CSMD1: variants seen among roughly 807,000 people sequenced by gnomAD.
CSMD1 encodes CUB and sushi domain-containing protein 1.
Under a neutral mutation model 417.5 loss-of-function variants are expected in CSMD1, and 213 were observed. The ratio of observed to expected loss-of-function variants is 0.51; its 90% CI spans 0.46 to 0.57. The LOEUF (loss-of-function observed/expected upper bound fraction) is 0.57. Among genes scored for constraint, CSMD1 ranks in the 20% least tolerant of loss-of-function variants. The probability of loss-of-function intolerance (pLI) is 0.00; values close to 1 mark genes in which losing one functional copy is unlikely to be tolerated. For missense variants in CSMD1, 6,923 were observed against 4,529.7 expected, an observed-to-expected ratio of 1.53 and a Z score of -15.17; for synonymous variants, 2,862 against 1,736.8, an observed-to-expected ratio of 1.65 and a Z score of -16.11.
At chr8:4,770,390 T>C (rs1796539644) in intron 1 of CSMD1, among the ~76,000 whole-genome samples, 1 of 149,230 alleles carries the variant, frequency 6.7e-6, no homozygotes, top group African/African-American at 2.4e-5. Context: ...GTAATTAAGC[T>C]TTTATATATT....
intron 1 of CSMD1, among the ~76,000 whole-genome samples, chr8:4,780,855 C>T (rs1797119105): frequency 6.6e-6 from 1 of 152,180 alleles, no homozygotes; most frequent in African/African-American, 2.4e-5. Flanking sequence ...CCACTTAAAA[C>T]AATAATCTCC....
At chr8:4,086,745 C>T (rs950286869) in intron 3 of CSMD1, among the ~76,000 whole-genome samples, 1 of 152,214 alleles carries the variant, frequency 6.6e-6, no homozygotes, top group African/African-American at 2.4e-5. Flanking sequence ...TATTGAGTTT[C>T]TGGTCAATTA....
At chr8:4,352,392 C>A (rs1271747410) in intron 3 of CSMD1, among the ~76,000 whole-genome samples, 3 of 152,082 alleles carry the variant, frequency 2.0e-5, no homozygotes, top group Non-Finnish European at 2.9e-5. Flanking sequence ...GTCTGTAGAT[C>A]CACAGAAAAT....
rs564428713 is a variant in CSMD1 at position 4,231,097 on chromosome 8, C to T, written c.415+188856G>A. On this transcript the variant is annotated intron_variant, in intron 3 of 69. Coordinates refer to ENST00000635120, the MANE Select transcript of CSMD1 (RefSeq NM_033225.6). ...AAGGGTTATCCTAAATTAAGCATTT[C>T]TCCACCAAGGATATATGTTGAACTA... Among the ~76,000 whole-genome samples the T allele has an allele frequency of 2.6e-5, 4 of 152,306 alleles. No individual in the cohort carries two copies. In the South Asian group the frequency reaches 8.3e-4, roughly 32 times the overall value.
intron 2 of CSMD1, among the ~76,000 whole-genome samples, chr8:4,458,891 A>G (rs1331016537): frequency 1.3e-5 from 2 of 152,204 alleles, no homozygotes; most frequent in African/African-American, 4.8e-5. Flanking sequence ...AACAAGCACA[A>G]TGGGTGGAGA....
chr8:4,058,033 A>G (rs894105153), intron 3 of CSMD1, among the ~76,000 whole-genome samples: 2 of 151,630 alleles, frequency 1.3e-5, no homozygotes, highest in East Asian at 2.0e-4. Context: ...TTTTGGTTCC[A>G]TATGAATTTT....
At chr8:4,302,829 T>G (rs10094491) in intron 3 of CSMD1, among the ~76,000 whole-genome samples, 4,420 of 152,206 alleles carry the variant, frequency 0.029, 217 homozygotes, top group African/African-American at 0.1. Context: ...AGGGTCCTAG[T>G]GACCCTGTGT....
intron 18 of CSMD1, among the ~76,000 whole-genome samples, chr8:3,372,990 T>G (rs913320291): frequency 6.6e-6 from 1 of 152,180 alleles, no homozygotes; most frequent in Non-Finnish European, 1.5e-5. Context: ...TGGATTGGTA[T>G]GAATTGATGC....
chr8:4,598,171 G>T (rs569915586), intron 2 of CSMD1, among the ~76,000 whole-genome samples: 1 of 152,172 alleles, frequency 6.6e-6, no homozygotes, highest in South Asian at 2.1e-4. Flanking sequence ...GATAAATAAA[G>T]CTTTTGTAAA....
At chr8:4,858,865 C>G (rs915790589) in intron 1 of CSMD1, among the ~76,000 whole-genome samples, 27 of 149,584 alleles carry the variant, frequency 1.8e-4, no homozygotes, top group Non-Finnish European at 3.7e-4. Flanking sequence ...GATTCAATGC[C>G]ATCCCCATCA....
chr8:3,306,047 C>G (rs1462908476), intron 25 of CSMD1, among the ~76,000 whole-genome samples: 1 of 152,060 alleles, frequency 6.6e-6, no homozygotes, highest in African/African-American at 2.4e-5. Flanking sequence ...TCTAGATATG[C>G]TTTAATTGTT....
intron 27 of CSMD1, among the ~76,000 whole-genome samples, chr8:3,228,819 A>G (rs1798663306): frequency 6.6e-6 from 1 of 152,068 alleles, no homozygotes; most frequent in Non-Finnish European, 1.5e-5. Flanking sequence ...AAAGTAGGCC[A>G]TTGGTTTAAA....
intron 28 of CSMD1, among the ~76,000 whole-genome samples, chr8:3,220,662 C>A (rs1042644958): frequency 2.0e-5 from 3 of 152,184 alleles, no homozygotes; most frequent in Non-Finnish European, 2.9e-5. Flanking sequence ...GAAACCCTCT[C>A]TCTACTAAAA....
chr8:3,220,641 GC>G (rs1798154526), intron 28 of CSMD1, among the ~76,000 whole-genome samples: 1 of 152,154 alleles, frequency 6.6e-6, no homozygotes, highest in African/African-American at 2.4e-5. Flanking sequence ...GAACAGCCTG[GC>G]CAATATGGTG....
intron 52 of CSMD1, among the ~76,000 whole-genome samples, chr8:3,001,148 G>C (rs1044141210): frequency 6.6e-6 from 1 of 151,962 alleles, no homozygotes; most frequent in Non-Finnish European, 1.5e-5. Context: ...TGCCATGCCT[G>C]AGTAATTTTT....
chr8:3,639,768 T>G (rs997351982), intron 7 of CSMD1, among the ~76,000 whole-genome samples: 6 of 152,232 alleles, frequency 3.9e-5, no homozygotes, highest in Non-Finnish European at 1.5e-5. Context: ...CATCTTGTTA[T>G]TCTTCATAAT....
At chr8:3,451,576 C>T (rs1237497378) in intron 12 of CSMD1, among the ~76,000 whole-genome samples, 2 of 152,162 alleles carry the variant, frequency 1.3e-5, no homozygotes, top group Non-Finnish European at 2.9e-5. Context: ...ATAGGGAATC[C>T]TTTCCCCATT....
chr8:3,953,484 T>C lies in CSMD1; in HGVS notation c.818+44419A>G, dbSNP rs115048179. ...ATAAACACACACAGAGAGAGGTGTA[T>C]GGGCTGAGTTTGGGGGTTTCACTGG... is the stretch of plus-strand genomic sequence containing the variant. On this transcript the variant is annotated intron_variant, in intron 5 of 69. Coordinates refer to ENST00000635120, the MANE Select transcript of CSMD1 (RefSeq NM_033225.6). Among the ~76,000 whole-genome samples, 821 of 152,214 alleles carry C rather than the reference T, an allele frequency of 5.4e-3. 4 individuals carry two copies. Among genetic ancestry groups the C allele is most frequent in the African/African-American group, 0.018 (746 of 41,548 alleles).
intron 5 of CSMD1, among the ~76,000 whole-genome samples, chr8:3,783,628 G>C (rs1350539619): frequency 6.6e-6 from 1 of 152,186 alleles, no homozygotes; most frequent in Non-Finnish European, 1.5e-5. Context: ...GGATGCAGCT[G>C]GTTCTTCTGC....
Sources: gnomAD v4.1 joint callset for allele counts (sites outside exome capture counted in the v4.1 genomes callset) on GRCh38, gnomAD v4.1.1 for gene constraint, MANE v1.5 for transcripts, NCBI Gene and HGNC (gene_info 2026-07-23, HGNC 2026-07-21) for gene names.